Variants in MTHFD1L observed in about 807,000 individuals in gnomAD.
MTHFD1L encodes the protein monofunctional C1-tetrahydrofolate synthase, mitochondrial.
A neutral mutation model predicts 119.5 loss-of-function variants in MTHFD1L; 81 were observed. The observed-to-expected ratio is 0.68, with a 90% CI of 0.57 to 0.82. The LOEUF is 0.82. MTHFD1L is among the 40% of genes least tolerant of loss of function. The pLI, the probability that MTHFD1L is intolerant of heterozygous loss-of-function variation, is 0.00. For missense variants in MTHFD1L, 1,125 were observed against 1,253.4 expected, an observed-to-expected ratio of 0.90 and a Z score of 1.55; for synonymous variants, 430 against 475.2, an observed-to-expected ratio of 0.90 and a Z score of 1.24.
chr6:150,872,758 G>A (rs1779745749), intron 1 of MTHFD1L, among the ~76,000 whole-genome samples: 1 of 151,708 alleles, frequency 6.6e-6, no homozygotes, highest in Admixed American at 6.6e-5. Flanking sequence ...TCTGTAAATT[G>A]CAGTAAAGCA....
Position 151,091,639 on chromosome 6 carries a change from G to A in MTHFD1L, c.2848-828G>A, listed in dbSNP as rs115712351. ...CATCCGTAAAGTAAGGCTAAAATGA[G>A]TACCTACCTCATTAGGGTGCTGGGA... On this transcript the variant is annotated intron_variant, in intron 26 of 27. Coordinates refer to ENST00000367321, the MANE Select transcript of MTHFD1L (RefSeq NM_015440.5). Among the ~76,000 whole-genome samples, 1,446 of 152,246 alleles carry A rather than the reference G, an allele frequency of 9.5e-3. 22 individuals are homozygous for A. The highest frequency in any genetic ancestry group is 0.033 in the African/African-American group (1,378 of 41,550).
chr6:151,017,148 C>T (rs990941167), intron 24 of MTHFD1L, among the ~76,000 whole-genome samples: 2 of 152,036 alleles, frequency 1.3e-5, no homozygotes, highest in Non-Finnish European at 2.9e-5. Context: ...ATCTCCAGAA[C>T]GCTTTTCATC....
At chr6:150,894,087 C>CA (rs1467189114) in intron 7 of MTHFD1L, among the ~76,000 whole-genome samples, 3 of 151,960 alleles carry the variant, frequency 2.0e-5, no homozygotes, top group African/African-American at 7.3e-5. Context: ...TAAAAAAGTA[C>CA]AAAAATTAGC....
intron 1 of MTHFD1L, among the ~76,000 whole-genome samples, chr6:150,871,860 A>T: frequency 6.7e-6 from 1 of 149,184 alleles, no homozygotes; most frequent in South Asian, 2.1e-4. Flanking sequence ...ATTTTATTTT[A>T]TTTTATTTTA....
chr6:150,923,090 T>A (rs1456112841), intron 10 of MTHFD1L, among the ~76,000 whole-genome samples: 1 of 152,168 alleles, frequency 6.6e-6, no homozygotes, highest in Non-Finnish European at 1.5e-5. Flanking sequence ...CATATAGGTT[T>A]CTACTCTGGG....
At chr6:150,928,433 CAAAAA>C (rs540059318) in intron 11 of MTHFD1L, among the ~76,000 whole-genome samples, 210 of 70,930 alleles carry the variant, frequency 3.0e-3, no homozygotes, top group African/African-American at 9.8e-3. Context: ...AAGACTGTCT[CAAAAA>C]AAAAAAAAAA....
chr6:150,885,610 C>CTACTTCTT (rs767075195), intron 5 of MTHFD1L, 24 bp from the exon 6 acceptor site: 3 of 1,594,530 alleles, frequency 1.9e-6, no homozygotes, highest in Non-Finnish European at 2.6e-6. Context: ...TTGACTTAAC[C>CTACTTCTT]TACTTCTTTA....
intron 6 of MTHFD1L, among the ~76,000 whole-genome samples, chr6:150,887,366 G>T (rs1562318504): frequency 6.6e-6 from 1 of 152,192 alleles, no homozygotes; most frequent in Non-Finnish European, 1.5e-5. Context: ...GGAACCAAAA[G>T]GGTTTGAATA....
chr6:150,960,463 C>G, intron 18 of MTHFD1L, 48 bp downstream of exon 18: 3 of 1,547,494 alleles, frequency 1.9e-6, no homozygotes, highest in Non-Finnish European at 2.6e-6. Context: ...GGTCCTCGTT[C>G]TTCGTTACCA....
At chr6:150,905,951 G>A (rs970713187) in intron 8 of MTHFD1L, among the ~76,000 whole-genome samples, 190 bp downstream of exon 8, 1 of 152,216 alleles carries the variant, frequency 6.6e-6, no homozygotes, top group Non-Finnish European at 1.5e-5. Flanking sequence ...CAAGATGGCG[G>A]TTGAGGTGTC....
intron 26 of MTHFD1L, among the ~76,000 whole-genome samples, chr6:151,067,636 A>C (rs1337948653): frequency 6.6e-6 from 1 of 152,204 alleles, no homozygotes; most frequent in African/African-American, 2.4e-5. Context: ...TCACTTTTTT[A>C]AATCACAATT....
chr6:151,015,629 T>C lies in MTHFD1L; in HGVS notation c.2522T>C (p.Leu841Ser). 1 of 1,614,150 alleles carries C rather than the reference T, an allele frequency of 6.2e-7. No individual in the cohort carries two copies. Among genetic ancestry groups the C allele is most frequent in the Non-Finnish European group, 8.5e-7 (1 of 1,180,028 alleles). The change falls in exon 24 of 28, where the codon TTG (leucine) becomes TCG (serine). Residue 841 changes from leucine to serine, a missense_variant. Leu to Ser is a moderately radical substitution (Grantham distance 145, BLOSUM62 -2). This residue lies in a region of MTHFD1L where 1,058 missense variants were observed against 1,151.2 expected (regional missense o/e 0.92). Transcript: ENST00000367321. ...GTTGGTGGAAAAGGATCGGTGGACT[T>C]GGCTCGGGCTGTGAGAGAGGCTGCG... ...WSVGGKGSVD[L>S]ARAVREAASK...
At chr6:151,042,044 A>G in intron 26 of MTHFD1L, 1 of 357,366 alleles carries the variant, frequency 2.8e-6, no homozygotes, top group Non-Finnish European at 5.6e-6. Context: ...GACCACAAAT[A>G]ATAATAAATA....
intron 26 of MTHFD1L, among the ~76,000 whole-genome samples, chr6:151,071,905 C>T (rs998409468): frequency 1.4e-5 from 2 of 139,018 alleles, no homozygotes; most frequent in Admixed American, 8.0e-5. Context: ...TGCAATGGCG[C>T]GATCTTGGCT....
At position 151,037,795 on chromosome 6, in the gene MTHFD1L, C is replaced by T. The variant is rs148447909; in HGVS notation, c.2847+678C>T. On this transcript the variant is annotated intron_variant, in intron 26 of 27. Transcript: ENST00000367321. ...CACAGTGATAGCCTTCCGTTGGTAC[C>T]GTCAGTGGCCTAAATTTGACTTCTT... Among the ~76,000 whole-genome samples, 832 of 152,168 alleles carry T rather than the reference C, an allele frequency of 5.5e-3. 3 individuals are homozygous for T. Among genetic ancestry groups the T allele is most frequent in the South Asian group, 0.014 (66 of 4,806 alleles).
chr6:150,956,191 ACTGTTTTGGGTGCTCAGCAGGG>A, intron 17 of MTHFD1L, 120 bp downstream of exon 17: 1 of 982,994 alleles, frequency 1.0e-6, no homozygotes, highest in Non-Finnish European at 1.6e-6. Flanking sequence ...TGGTTCTCTC[ACTGTTTTGGGTGCTCAGCAGGG>A]CTGGGAGAGG....
intron 7 of MTHFD1L, among the ~76,000 whole-genome samples, chr6:150,904,805 A>G (rs1785618671): frequency 6.6e-6 from 1 of 152,184 alleles, no homozygotes; most frequent in Non-Finnish European, 1.5e-5. Flanking sequence ...CGATCAATGC[A>G]TTTTGTTGGA....
intron 24 of MTHFD1L, among the ~76,000 whole-genome samples, chr6:151,026,164 G>A (rs1323196249): frequency 6.6e-6 from 1 of 152,174 alleles, no homozygotes; most frequent in Admixed American, 6.5e-5. Context: ...TTCCAAGAAA[G>A]CTATACTGTT....
At chr6:150,991,459 T>C (rs1779049324) in intron 20 of MTHFD1L, among the ~76,000 whole-genome samples, 2 of 152,246 alleles carry the variant, frequency 1.3e-5, no homozygotes, top group Admixed American at 1.3e-4. Flanking sequence ...AATGATTATT[T>C]TTGTTTGCCT....
Sources: gnomAD v4.1 joint callset for allele counts (sites outside exome capture counted in the v4.1 genomes callset) on GRCh38, gnomAD v4.1.1 for gene constraint, gnomAD v4.1.1 regional missense constraint, MANE v1.5 for transcripts, NCBI Gene and HGNC (gene_info 2026-07-23, HGNC 2026-07-21) for gene names.